Variants in SYTL2 observed in about 807,000 individuals in gnomAD.
SYTL2 encodes synaptotagmin like 2.
SYTL2 carries 165 observed loss-of-function variants against 198.7 expected under a neutral mutation model. The ratio of observed to expected loss-of-function variants is 0.83; its 90% confidence interval spans 0.73 to 0.94. The LOEUF (loss-of-function observed/expected upper bound fraction) is 0.94. SYTL2 is among the 40% of genes least tolerant of loss of function. SYTL2 has a pLI of 0.00. For missense variants in SYTL2, 2,835 were observed against 2,582.8 expected, an observed-to-expected ratio of 1.10 and a Z score of -2.12; for synonymous variants, 966 against 917.7, an observed-to-expected ratio of 1.05 and a Z score of -0.95.
At chr11:85,733,598 T>TTTG (rs1555240269) in intron 7 of SYTL2, 12 of 129,416 alleles carry the variant, frequency 9.3e-5, no homozygotes, top group African/African-American at 2.5e-4. Flanking sequence ...TTTTTTGTTT[T>TTTG]TTTTTTTTTT....
chr11:85,807,394 C>A (rs1374946573), intron 1 of SYTL2, among the ~76,000 whole-genome samples: 1 of 152,182 alleles, frequency 6.6e-6, no homozygotes, highest in Non-Finnish European at 1.5e-5. Context: ...TATGTTTAAA[C>A]ATTTTTAAAA....
chr11:85,806,891 G>A (rs1366577377), intron 1 of SYTL2, among the ~76,000 whole-genome samples: 1 of 152,244 alleles, frequency 6.6e-6, no homozygotes, highest in Non-Finnish European at 1.5e-5. Context: ...AACCCAGATT[G>A]CACAGATTGT....
the SYTL2 span, chr11:85,853,478 T>A: frequency 9.8e-6 from 3 of 306,736 alleles, no homozygotes; most frequent in African/African-American, 2.3e-5. Context: ...TCCTTAAGAG[T>A]CATCACCACT....
Position 85,725,574 on chromosome 11 carries a change from C to T in SYTL2, c.3784G>A (p.Asp1262Asn). 1 of 1,614,082 alleles carries T rather than the reference C, an allele frequency of 6.2e-7. No individual in the cohort carries two copies. Among genetic ancestry groups the T allele is most frequent in the Admixed American group, 1.7e-5 (1 of 60,024 alleles). The stretch of plus-strand genomic sequence containing the variant: ...AAAGGAGCTAGTATTTCTCTCTTAT[C>T]AGCTGAAGTATTGTGACTCTGTTCT... ...GIEQSHNTSADKREILAPFPV... is the reference protein window; with the variant it reads ...GIEQSHNTSANKREILAPFPV... Residue 1262 changes from aspartate to asparagine, a missense_variant, in exon 8 of 20, where the codon GAT becomes AAT. Asp to Asn is a conservative substitution (Grantham distance 23). Coordinates refer to ENST00000359152, the MANE Select transcript of SYTL2 (RefSeq NM_206927.4).
chr11:85,797,935 C>A (rs1034996530), intron 1 of SYTL2, among the ~76,000 whole-genome samples: 1 of 152,058 alleles, frequency 6.6e-6, no homozygotes, highest in South Asian at 2.1e-4. Flanking sequence ...CTCACTGCAA[C>A]CTTTACCTCC....
the SYTL2 span, among the ~76,000 whole-genome samples, chr11:85,826,822 T>C: frequency 6.6e-6 from 1 of 152,176 alleles, no homozygotes; most frequent in Non-Finnish European, 1.5e-5. Flanking sequence ...CAGGTATGAA[T>C]CCTGCCGAAA....
the SYTL2 span, among the ~76,000 whole-genome samples, chr11:85,841,722 T>G: frequency 6.6e-6 from 1 of 152,188 alleles, no homozygotes; most frequent in African/African-American, 2.4e-5. Context: ...TAACGGGTAC[T>G]AGGCTTGGTA....
the SYTL2 span, chr11:85,853,657 TA>T: frequency 0.16 from 13,333 of 82,732 alleles, 700 homozygotes; most frequent in African/African-American, 0.25. Context: ...GAATGATCAA[TA>T]AAAAAAAAAA....
chr11:85,764,658 C>T (rs1355103478), intron 1 of SYTL2, among the ~76,000 whole-genome samples: 2 of 152,208 alleles, frequency 1.3e-5, no homozygotes, highest in African/African-American at 2.4e-5. Context: ...GGGCAACATG[C>T]ATCAGCCCTC....
At chr11:85,845,039 G>C in the SYTL2 span, among the ~76,000 whole-genome samples, 1 of 152,102 alleles carries the variant, frequency 6.6e-6, no homozygotes, top group East Asian at 1.9e-4. Flanking sequence ...CTCTGTCCCA[G>C]GCCCTCCCAC....
intron 19 of SYTL2, 72 bp from the exon 20 acceptor site, chr11:85,695,412 C>G: frequency 2.3e-6 from 3 of 1,325,394 alleles, no homozygotes; most frequent in Non-Finnish European, 3.0e-6. Flanking sequence ...AAAGTTATTC[C>G]CTAATTATAA....
the SYTL2 span, among the ~76,000 whole-genome samples, chr11:85,833,090 A>G: frequency 6.5e-3 from 255 of 39,478 alleles, 21 homozygotes; most frequent in South Asian, 0.015. Context: ...AAAGAAAGAA[A>G]GAAAGAAAGA....
chr11:85,789,358 A>ATATG (rs2092692330), intron 1 of SYTL2, among the ~76,000 whole-genome samples: 1 of 59,758 alleles, frequency 1.7e-5, no homozygotes, highest in African/African-American at 6.5e-5. Flanking sequence ...ATATATATAT[A>ATATG]TATATATATA....
intron 16 of SYTL2, among the ~76,000 whole-genome samples, chr11:85,704,023 A>T (rs1046016981): frequency 3.3e-5 from 5 of 152,138 alleles, no homozygotes; most frequent in African/African-American, 1.2e-4. Context: ...AAAACAGGAC[A>T]AATAGTAAGA....
chr11:85,853,107 C>G, the SYTL2 span: 1 of 296,426 alleles, frequency 3.4e-6, no homozygotes, highest in Non-Finnish European at 6.6e-6. Context: ...CCCGGCCGCC[C>G]CTTCTGGGAA....
At chr11:85,796,448 C>T (rs1450118217) in intron 1 of SYTL2, among the ~76,000 whole-genome samples, 2 of 152,180 alleles carry the variant, frequency 1.3e-5, no homozygotes, top group Non-Finnish European at 2.9e-5. Context: ...GCAAATATTG[C>T]CCCTCATTTT....
At chr11:85,735,067 A>G (rs1192470225) in intron 6 of SYTL2, among the ~76,000 whole-genome samples, 2 of 152,192 alleles carry the variant, frequency 1.3e-5, no homozygotes, top group Admixed American at 6.5e-5. Flanking sequence ...TGATGTCTCA[A>G]TGTGGTTCAT....
chr11:85,825,813 A>C, the SYTL2 span, among the ~76,000 whole-genome samples: 1 of 152,242 alleles, frequency 6.6e-6, no homozygotes, highest in Non-Finnish European at 1.5e-5. Flanking sequence ...AAATCTCTTA[A>C]CTTCTCTAAG....
Position 85,726,597 on chromosome 11 carries a change from G to A in SYTL2, c.2761C>T (p.Pro921Ser), listed in dbSNP as rs747645934. ...IKRSQVADSL[P>S]SRRNITLPAL... Reference sequence around the variant, plus strand: ...GGTAAAGTAATGTTTCTTCTAGAAGGCAAACTGTCTGCCACTTGTGATCTT... The same window carrying A: ...GGTAAAGTAATGTTTCTTCTAGAAGACAAACTGTCTGCCACTTGTGATCTT... The change falls in exon 8 of 20, where the codon CCT (proline) becomes TCT (serine). Residue 921 changes from proline (P) to serine (S), a missense_variant. Pro to Ser is a moderately conservative substitution (Grantham distance 74). This residue lies in a region of SYTL2 where 2,645 missense variants were observed against 2,381.7 expected (regional missense o/e 1.11). Transcript: ENST00000359152. The A allele has an allele frequency of 2.1e-5, 32 of 1,560,250 alleles. No individual in the cohort carries two copies. Among genetic ancestry groups the A allele is most frequent in the Non-Finnish European group, 2.6e-5 (30 of 1,158,312 alleles).
Sources: allele counts gnomAD v4.1 joint callset (sites outside exome capture counted in the v4.1 genomes callset), GRCh38; gene constraint gnomAD v4.1.1; regional missense constraint gnomAD v4.1.1; transcripts MANE v1.5; gene names NCBI Gene and HGNC (gene_info 2026-07-23, HGNC 2026-07-21).